DYSF: variants seen among roughly 807,000 people sequenced by gnomAD.
DYSF encodes dystrophy-associated fer-1-like 1.
A neutral mutation model predicts 274.9 loss-of-function variants in DYSF; 212 were observed. The ratio of observed to expected loss-of-function variants is 0.77; its 90% CI spans 0.69 to 0.86. The LOEUF is 0.86. Among genes scored for constraint, DYSF ranks in the 40% least tolerant of loss-of-function variants. The pLI is 0.00. For missense variants in DYSF, 2,666 were observed against 2,783.2 expected (o/e 0.96, Z 0.95); for synonymous variants, 1,091 against 1,078.7 (o/e 1.01, Z -0.22).
At chr2:71,612,193 C>T (rs78250966) in intron 38 of DYSF, among the ~76,000 whole-genome samples, 4 of 152,312 alleles carry the variant, frequency 2.6e-5, no homozygotes, top group Non-Finnish European at 5.9e-5. Flanking sequence ...GAGCCAAAGC[C>T]GCCCCTGAAG....
At chr2:71,569,796 A>G in intron 26 of DYSF, 24 bp from the exon 27 acceptor site, 1 of 1,599,330 alleles carries the variant, frequency 6.3e-7, no homozygotes, top group East Asian at 2.2e-5. Context: ...AGCAGCAGAG[A>G]CTCTGACCAG....
chr2:71,564,116 C>A lies in DYSF; in HGVS notation c.2468C>A (p.Ala823Glu). 1 of 1,614,256 alleles carries A rather than the reference C, an allele frequency of 6.2e-7. No homozygotes were observed. The highest frequency in any genetic ancestry group is 8.5e-7 in the Non-Finnish European group (1 of 1,180,048). The stretch of plus-strand genomic sequence containing the variant: ...ATGCTGCAGGGAGACAAGCGTGTGG[C>A]ATACCAGCGGGTGCCCGCCCACCAA... ...IWMLQGDKRV[A>E]YQRVPAHQVL... Residue 823 changes from alanine to glutamate, a missense_variant, in exon 24 of 56, where the codon GCA becomes GAA. By Grantham distance (107) the Ala-to-Glu change is moderately radical (BLOSUM62 -1). Transcript: ENST00000410020.
At chr2:71,617,949 T>TGGTGTGTGTGTGTGTGGTAGA (rs1189616972) in intron 40 of DYSF, among the ~76,000 whole-genome samples, 1 of 63,912 alleles carries the variant, frequency 1.6e-5, no homozygotes, top group East Asian at 5.7e-4. Flanking sequence ...GTGGTAGAGG[T>TGGTGTGTGTGTGTGTGGTAGA]GGTGTGTGTG....
intron 30 of DYSF, among the ~76,000 whole-genome samples, chr2:71,579,218 T>C (rs2092809460): frequency 6.6e-6 from 1 of 152,174 alleles, no homozygotes; most frequent in South Asian, 2.1e-4. Context: ...GAATCCATCC[T>C]GTTGCCCTTG....
intron 41 of DYSF, among the ~76,000 whole-genome samples, chr2:71,631,292 C>T (rs1439196368): frequency 6.6e-6 from 1 of 152,162 alleles, no homozygotes; most frequent in Non-Finnish European, 1.5e-5. Flanking sequence ...TTTACCTGTA[C>T]TTTTGTACAT....
intron 1 of DYSF, among the ~76,000 whole-genome samples, chr2:71,475,448 T>G (rs1343975691): frequency 6.6e-6 from 1 of 152,200 alleles, no homozygotes; most frequent in East Asian, 1.9e-4. Flanking sequence ...AGAAGCACAC[T>G]GCTACACGGC....
intron 14 of DYSF, among the ~76,000 whole-genome samples, chr2:71,531,664 G>C (rs970875365): frequency 2.7e-5 from 4 of 150,816 alleles, no homozygotes; most frequent in African/African-American, 9.8e-5. Flanking sequence ...TCACATTTTT[G>C]TGCCTTTTCT....
chr2:71,574,400 G>T, intron 30 of DYSF, 29 bp downstream of exon 30: 5 of 1,610,438 alleles, frequency 3.1e-6, no homozygotes, highest in Non-Finnish European at 4.2e-6. Flanking sequence ...GTCCTGGCTT[G>T]GGTAGGGTAT....
Position 71,671,874 on chromosome 2 carries a change from G to T in DYSF, c.5784+2128G>T, listed in dbSNP as rs530881191. On this transcript the variant is annotated intron_variant, in intron 51 of 55. Transcript: ENST00000410020. ...GGGGCCAACCCGTGGGCGAGTTCCAGAGGAAGACAGGGGTCGAGGATATGG... is the reference window on the plus strand; with the variant it reads ...GGGGCCAACCCGTGGGCGAGTTCCATAGGAAGACAGGGGTCGAGGATATGG... 6.6e-5 allele frequency among the ~76,000 whole-genome samples: 10 copies of T among 152,348 alleles called. No homozygotes were observed. The East Asian group carries it at 1.7e-3, about 26-fold the overall frequency.
At position 71,550,964 on chromosome 2, in the gene DYSF, A is replaced by G; in HGVS notation, c.1577-77A>G. On this transcript the variant is annotated intron_variant, in intron 17 of 55. Transcript: ENST00000410020. Reference sequence around the variant, plus strand: ...GGAACTGAGGGCCAGGGGTGGGCTCAGGTTGGAAGGTGGCTGGGTGGAGCA... The same window carrying G: ...GGAACTGAGGGCCAGGGGTGGGCTCGGGTTGGAAGGTGGCTGGGTGGAGCA... The G allele has an allele frequency of 3.1e-6, 4 of 1,288,642 alleles. No homozygotes were observed. The South Asian group carries it at 4.8e-5, about 15-fold the overall frequency. 79.8% of individuals were successfully genotyped at this position (1,288,642 alleles called of 1,614,324 possible).
intron 3 of DYSF, among the ~76,000 whole-genome samples, chr2:71,493,523 G>A (rs1330894165): frequency 2.0e-5 from 3 of 152,196 alleles, no homozygotes; most frequent in Admixed American, 1.3e-4. Flanking sequence ...GCATGCCATA[G>A]TAAACCACAT....
chr2:71,559,492 G>A (rs1195815055), intron 22 of DYSF, among the ~76,000 whole-genome samples: 1 of 152,144 alleles, frequency 6.6e-6, no homozygotes, highest in Non-Finnish European at 1.5e-5. Context: ...CTGCATCCAG[G>A]AAAAGCCCCT....
chr2:71,556,030 G>A lies in DYSF; in HGVS notation c.2175G>A (p.Ser725=), dbSNP rs373820597. The A allele has an allele frequency of 7.0e-6, 11 of 1,578,626 alleles. No individual in the cohort carries two copies. The highest frequency in any genetic ancestry group is 4.0e-5 in the African/African-American group (3 of 74,634). The change falls in exon 22 of 56, where the codon TCG becomes TCA. Residue 725 remains serine (S), a synonymous_variant. Coordinates refer to ENST00000410020, the MANE Select transcript of DYSF (RefSeq NM_001130987.2). ...KAQCSTEDVD[S]LVAQLTDELI... is the part of the protein sequence containing the mutation. ...AGTGCTCCACGGAGGACGTGGACTC[G>A]CTGGTGGCTCAGCTGACGGATGAGC...
At chr2:71,618,556 T>TGG (rs2093994350) in intron 40 of DYSF, among the ~76,000 whole-genome samples, 2 of 102,620 alleles carry the variant, frequency 1.9e-5, no homozygotes, top group Admixed American at 1.1e-4. Flanking sequence ...GTGGTAGAGG[T>TGG]GGAGTGTGTG....
At chr2:71,614,723 C>G (rs539513734) in intron 40 of DYSF, among the ~76,000 whole-genome samples, 1 of 152,198 alleles carries the variant, frequency 6.6e-6, no homozygotes, top group Non-Finnish European at 1.5e-5. Flanking sequence ...CCTCGCTTAG[C>G]GGAGGTGTTA....
intron 3 of DYSF, among the ~76,000 whole-genome samples, chr2:71,489,519 C>T (rs2083638413): frequency 1.3e-5 from 2 of 152,188 alleles, no homozygotes; most frequent in Admixed American, 6.5e-5. Context: ...TTGGTGCCAT[C>T]TGGGCGGAGG....
chr2:71,607,137 T>C (rs996624733), intron 36 of DYSF, among the ~76,000 whole-genome samples: 6 of 152,166 alleles, frequency 3.9e-5, no homozygotes, highest in African/African-American at 1.4e-4. Context: ...CTATGGGAGC[T>C]ACGGGGGTAC....
At chr2:71,488,857 C>T (rs2083570809) in intron 3 of DYSF, among the ~76,000 whole-genome samples, 1 of 152,184 alleles carries the variant, frequency 6.6e-6, no homozygotes, top group Non-Finnish European at 1.5e-5. Context: ...TTTCTGCCTT[C>T]ACCCTTCCCC....
intron 3 of DYSF, among the ~76,000 whole-genome samples, chr2:71,483,365 A>G (rs56389106): frequency 0.6 from 91,213 of 152,164 alleles, 29,632 homozygotes; most frequent in East Asian, 0.71. Flanking sequence ...CCCGCAGATC[A>G]GGGAGGGAGC....
Sources: gnomAD v4.1 joint callset for allele counts (sites outside exome capture counted in the v4.1 genomes callset) on GRCh38, gnomAD v4.1.1 for gene constraint, MANE v1.5 for transcripts, NCBI Gene and HGNC (gene_info 2026-07-23, HGNC 2026-07-21) for gene names.